The following GABRB1 variants were observed in gnomAD, a reference collection of about 807,000 sequenced individuals.
GABRB1 encodes the protein gamma-aminobutyric acid receptor subunit beta-1.
GABRB1 carries 17 observed loss-of-function variants against 51.6 expected under a neutral mutation model. The observed-to-expected ratio is 0.33, with a 90% CI of 0.23 to 0.49. The LOEUF is 0.49. Ranked by LOEUF, GABRB1 falls within the 20% of genes least tolerant of loss-of-function variation. GABRB1 has a pLI of 0.99. For synonymous variants in GABRB1, 247 were observed against 218.9 expected (o/e 1.13, Z -1.14); for missense variants, 410 against 600.6 (o/e 0.68, Z 3.32).
chr4:47,116,887 C>T (rs1715507787), intron 3 of GABRB1, among the ~76,000 whole-genome samples: 1 of 152,080 alleles, frequency 6.6e-6, no homozygotes, highest in Admixed American at 6.6e-5. Flanking sequence ...AAGCAGGCAC[C>T]TCTTCACATG....
chr4:47,060,253 C>T (rs1282512702), intron 3 of GABRB1, among the ~76,000 whole-genome samples: 2 of 152,082 alleles, frequency 1.3e-5, no homozygotes, highest in African/African-American at 2.4e-5. Flanking sequence ...CAGAATCACA[C>T]AGAAAGTAAG....
chr4:47,214,602 T>C (rs564543099), intron 4 of GABRB1, among the ~76,000 whole-genome samples: 1 of 152,290 alleles, frequency 6.6e-6, no homozygotes, highest in African/African-American at 2.4e-5. Flanking sequence ...TAAATACCAA[T>C]AATTTCTCAT....
At chr4:47,121,348 G>A (rs369324977) in intron 3 of GABRB1, among the ~76,000 whole-genome samples, 1 of 152,180 alleles carries the variant, frequency 6.6e-6, no homozygotes, top group African/African-American at 2.4e-5. Context: ...AATAGGAGAT[G>A]GGTGGCATCG....
intron 3 of GABRB1, among the ~76,000 whole-genome samples, chr4:47,124,023 CAT>C (rs1193135282): frequency 7.5e-6 from 1 of 134,206 alleles, no homozygotes; most frequent in Non-Finnish European, 1.5e-5. Flanking sequence ...GCTTTTCTGG[CAT>C]ATATATACCT....
At chr4:47,255,061 A>C (rs556300025) in intron 4 of GABRB1, among the ~76,000 whole-genome samples, 1 of 152,312 alleles carries the variant, frequency 6.6e-6, no homozygotes, top group South Asian at 2.1e-4. Flanking sequence ...TGAGAAAAAG[A>C]ATTCAGGTAA....
chr4:47,067,621 T>G (rs1727144967), intron 3 of GABRB1, among the ~76,000 whole-genome samples: 1 of 151,894 alleles, frequency 6.6e-6, no homozygotes, highest in South Asian at 2.1e-4. Flanking sequence ...TATATTTTAT[T>G]ATTATTATTA....
intron 3 of GABRB1, among the ~76,000 whole-genome samples, chr4:47,119,225 G>T (rs562535093): frequency 6.6e-6 from 1 of 151,928 alleles, no homozygotes; most frequent in South Asian, 2.1e-4. Flanking sequence ...GGAATCAATG[G>T]CAAATATACA....
intron 5 of GABRB1, among the ~76,000 whole-genome samples, chr4:47,382,590 A>G (rs995523375): frequency 6.6e-6 from 1 of 152,190 alleles, no homozygotes; most frequent in East Asian, 1.9e-4. Context: ...ACTTGGAAGC[A>G]TTCAGCCTTC....
intron 5 of GABRB1, among the ~76,000 whole-genome samples, chr4:47,336,429 C>G (rs1027234608): frequency 6.6e-6 from 1 of 152,176 alleles, no homozygotes; most frequent in African/African-American, 2.4e-5. Flanking sequence ...TCAACCATAA[C>G]TCTATCAGTA....
chr4:47,001,720 C>T (rs1724224807), intron 1 of GABRB1, among the ~76,000 whole-genome samples: 1 of 152,318 alleles, frequency 6.6e-6, no homozygotes, highest in Middle Eastern at 3.4e-3. Flanking sequence ...TTGTGTGAGT[C>T]AATTCCTTAA....
In GABRB1 at chr4:47,080,423, T is replaced by C. The variant is rs182397040; in HGVS notation, c.240+47939T>C. ...GAATTAATAATACTATTGTCAGTTT[T>C]TAATGTAGGTGTTAGGACAGTGAGA... On this transcript the variant is annotated intron_variant, in intron 3 of 8. Coordinates refer to ENST00000295454, the MANE Select transcript of GABRB1 (RefSeq NM_000812.4). Among the ~76,000 whole-genome samples the C allele has an allele frequency of 1.8e-3, 280 of 152,308 alleles. 2 individuals carry two copies. Among genetic ancestry groups the C allele is most frequent in the African/African-American group, 6.5e-3 (271 of 41,570 alleles).
rs190101347 is a variant in GABRB1 at position 47,324,450 on chromosome 4, C to A, written c.544+4241C>A. On this transcript the variant is annotated intron_variant, in intron 5 of 8. Coordinates refer to ENST00000295454, the MANE Select transcript of GABRB1 (RefSeq NM_000812.4). ...TGAAAACTCTTCTCATCTTAAAACACCTCCACTCTATCCCCACATTTCCCT... is the reference window on the plus strand; with the variant it reads ...TGAAAACTCTTCTCATCTTAAAACAACTCCACTCTATCCCCACATTTCCCT... Among the ~76,000 whole-genome samples, 916 of 152,274 alleles carry A rather than the reference C, an allele frequency of 6.0e-3. 4 individuals are homozygous for A. The highest frequency in any genetic ancestry group is 0.01 in the Admixed American group (159 of 15,284).
chr4:47,048,646 A>T (rs1726205746), intron 3 of GABRB1, among the ~76,000 whole-genome samples: 1 of 152,172 alleles, frequency 6.6e-6, no homozygotes, highest in South Asian at 2.1e-4. Context: ...AGGTACCAGG[A>T]TAAATACTTT....
At chr4:47,154,464 C>T (rs1717602180) in intron 3 of GABRB1, among the ~76,000 whole-genome samples, 1 of 151,924 alleles carries the variant, frequency 6.6e-6, no homozygotes, top group South Asian at 2.1e-4. Context: ...TTTTAAAAGT[C>T]GTTTAACATC....
chr4:47,226,375 G>A (rs1311677003), intron 4 of GABRB1, among the ~76,000 whole-genome samples: 3 of 152,170 alleles, frequency 2.0e-5, no homozygotes, highest in South Asian at 2.1e-4. Context: ...AATACCAGAC[G>A]AAAGAATATT....
At position 47,032,663 on chromosome 4, in the gene GABRB1, C is replaced by G; in HGVS notation, c.240+179C>G. 4.1e-6 allele frequency: 3 copies of G among 723,038 alleles called. No homozygotes were observed. In the South Asian group the frequency reaches 4.4e-5, roughly 11 times the overall value. The allele number at this position is 723,038 out of a possible 1,614,324, so 44.8% of individuals were successfully genotyped here. A position where few individuals can be genotyped will look rare whatever the true frequency, so the allele number is the denominator to read the frequency against. ...TCGCCCCTGGTTTGTAATTTCGACA[C>G]ACACGGGCTACTGCGGTGTTCCAGG... On this transcript the variant is annotated intron_variant, in intron 3 of 8. Transcript: ENST00000295454.
intron 4 of GABRB1, among the ~76,000 whole-genome samples, chr4:47,220,194 C>T (rs988455056): frequency 1.3e-5 from 2 of 152,036 alleles, no homozygotes; most frequent in African/African-American, 2.4e-5. Flanking sequence ...CAACCGCTTC[C>T]AGACTGACTT....
At chr4:47,354,517 C>T (rs552852800) in intron 5 of GABRB1, among the ~76,000 whole-genome samples, 1 of 152,088 alleles carries the variant, frequency 6.6e-6, no homozygotes, top group East Asian at 1.9e-4. Context: ...TAATCTAAAC[C>T]GGGTGCTCTC....
intron 3 of GABRB1, among the ~76,000 whole-genome samples, chr4:47,135,530 C>A (rs1716604119): frequency 6.6e-6 from 1 of 152,118 alleles, no homozygotes; most frequent in South Asian, 2.1e-4. Flanking sequence ...GTAAAGATAC[C>A]ATTCTGAAAT....
Sources: allele counts gnomAD v4.1 joint callset (sites outside exome capture counted in the v4.1 genomes callset), GRCh38; gene constraint gnomAD v4.1.1; transcripts MANE v1.5; gene names NCBI Gene and HGNC (gene_info 2026-07-23, HGNC 2026-07-21).